Variants in BCO2 observed in about 807,000 individuals in gnomAD.
BCO2 encodes the protein carotenoid-cleaving dioxygenase, mitochondrial.
BCO2 carries 56 observed loss-of-function variants against 65.8 expected under a neutral mutation model. The observed-to-expected ratio is 0.85, with a 90% CI of 0.69 to 1.06. BCO2 has a LOEUF of 1.06. Ranked by LOEUF, BCO2 falls within the 50% of genes least tolerant of loss-of-function variation. The pLI is 0.00. For missense variants in BCO2, 675 were observed against 698.5 expected (o/e 0.97, Z 0.38); for synonymous variants, 233 against 242.3 (o/e 0.96, Z 0.36).
At chr11:112,204,603 TTTATGATGATCTACTACCACTTAATGA>T (rs1467934364) in intron 8 of BCO2, among the ~76,000 whole-genome samples, 5 of 152,226 alleles carry the variant, frequency 3.3e-5, no homozygotes, top group Non-Finnish European at 5.9e-5. Flanking sequence ...AATGAAGACC[TTTATGATGATCTACTACCACTTAATGA>T]ATAGTAAATA....
intron 5 of BCO2, among the ~76,000 whole-genome samples, chr11:112,194,967 A>G (rs1395205525): frequency 6.6e-6 from 1 of 152,108 alleles, no homozygotes; most frequent in Non-Finnish European, 1.5e-5. Context: ...ACATCCTTCT[A>G]AGTAAAATAT....
rs903197521 is a variant in BCO2 at position 112,214,113 on chromosome 11, A to G, written c.1332+252A>G. ...TGGTTGTGGAATGTCTATCCATTTG[A>G]GCTTGGCATTAGCAATCCCCACCTT... On this transcript the variant is annotated intron_variant, in intron 9 of 11. Transcript: ENST00000357685. 5.9e-5 allele frequency among the ~76,000 whole-genome samples: 9 copies of G among 152,120 alleles called. 1 individual carries two copies. The highest frequency in any genetic ancestry group is 5.9e-4 in the Admixed American group (9 of 15,270).
At chr11:112,186,994 C>T (rs1254311069) in intron 2 of BCO2, among the ~76,000 whole-genome samples, 1 of 152,106 alleles carries the variant, frequency 6.6e-6, no homozygotes, top group Non-Finnish European at 1.5e-5. Context: ...ATGATTGTCC[C>T]CCTCCATGCC....
chr11:112,188,427 G>A (rs1368730598), intron 2 of BCO2, among the ~76,000 whole-genome samples: 2 of 152,014 alleles, frequency 1.3e-5, no homozygotes, highest in African/African-American at 2.4e-5. Flanking sequence ...TTGTATTCCA[G>A]GATGCCGGTC....
At chr11:112,195,369 G>A (rs909633591) in intron 5 of BCO2, among the ~76,000 whole-genome samples, 3 of 152,164 alleles carry the variant, frequency 2.0e-5, no homozygotes, top group Non-Finnish European at 2.9e-5. Flanking sequence ...TCCTGACCTC[G>A]TGATCTGCCC....
At chr11:112,205,772 CTTT>C (rs1334541851) in intron 8 of BCO2, among the ~76,000 whole-genome samples, 1 of 151,656 alleles carries the variant, frequency 6.6e-6, no homozygotes, top group Non-Finnish European at 1.5e-5. Flanking sequence ...ATTTTTAAAA[CTTT>C]TTTGTAGAGA....
rs1867420575 is a variant in BCO2, at chr11:112,192,529, A to ATT, written c.294-944_294-943insTT. On this transcript the variant is annotated intron_variant, in intron 2 of 11. Coordinates refer to ENST00000357685, the MANE Select transcript of BCO2 (RefSeq NM_031938.7). The stretch of plus-strand genomic sequence containing the variant: ...TGTAATCATATGGACAAAAATGATT[A>ATT]TCTAGGAAGGACAGTTATCTTATTT... 2.0e-5 allele frequency among the ~76,000 whole-genome samples: 3 copies of ATT among 152,188 alleles called. No homozygotes were observed. In the South Asian group the frequency reaches 6.2e-4, roughly 31 times the overall value.
At position 112,193,490 on chromosome 11, in the gene BCO2, G is replaced by C; in HGVS notation, c.310G>C (p.Asp104His). 6.2e-7 allele frequency: 1 copy of C among 1,614,080 alleles called. No individual in the cohort carries two copies. The highest frequency in any genetic ancestry group is 8.5e-7 in the Non-Finnish European group (1 of 1,180,014). ...FGKDKYNHWF[D>H]GMALLHQFRM... ...TGTTTGAAGGTACAATCATTGGTTT[G>C]ATGGGATGGCGCTGCTTCACCAGTT... is the stretch of plus-strand genomic sequence containing the variant. Residue 104 changes from aspartate to histidine, a missense_variant, in exon 3 of 12, where the codon GAT becomes CAT. Asp to His is a moderately conservative substitution (Grantham distance 81, BLOSUM62 -1). Transcript: ENST00000357685.
rs558967740 is a variant in BCO2 at position 112,181,008 on chromosome 11, C to T, written c.293+1526C>T. On this transcript the variant is annotated intron_variant, in intron 2 of 11. Transcript: ENST00000357685. ...ATTGATCCTCAGACAGATTCTAAGC[C>T]TCCTGAAGGATTGTTAGGATTCCAC... is the stretch of plus-strand genomic sequence containing the variant. The T allele has an allele frequency of 5.6e-6, 8 of 1,416,908 alleles. No individual in the cohort carries two copies. The South Asian group carries it at 5.7e-5, about 10-fold the overall frequency. 87.8% of individuals were successfully genotyped at this position (1,416,908 alleles called of 1,614,324 possible).
At chr11:112,181,633 TG>T in intron 2 of BCO2, 1 of 800,664 alleles carries the variant, frequency 1.2e-6, no homozygotes, top group South Asian at 1.3e-5. Context: ...CACCTAAAAG[TG>T]GCAATAAAGA....
At chr11:112,192,943 T>TTTTTTTTTTTTTTTTG (rs1555195002) in intron 2 of BCO2, among the ~76,000 whole-genome samples, 2 of 129,484 alleles carry the variant, frequency 1.5e-5, no homozygotes, top group African/African-American at 5.9e-5. Flanking sequence ...TTTTTTTTTT[T>TTTTTTTTTTTTTTTTG]GACAGGGGTA....
At chr11:112,184,041 A>G (rs1373198664) in intron 2 of BCO2, among the ~76,000 whole-genome samples, 1 of 152,228 alleles carries the variant, frequency 6.6e-6, no homozygotes, top group Non-Finnish European at 1.5e-5. Context: ...CATCACAAGC[A>G]TAGGAAGATA....
chr11:112,199,740 G>A lies in BCO2; in HGVS notation c.778G>A (p.Asp260Asn). ...KVIRVPPEKVDLGETIHGVQV... is the reference protein window; with the variant it reads ...KVIRVPPEKVNLGETIHGVQV... ...TATTCGGGTTCCTCCAGAGAAGGTG[G>A]ACCTTGGGGAGACAATCCATGGAGT... Residue 260 changes from aspartate (D) to asparagine (N), a missense_variant, in exon 6 of 12, where the codon GAC becomes AAC. By Grantham distance (23) the Asp-to-Asn change is conservative (BLOSUM62 1). Coordinates refer to ENST00000357685, the MANE Select transcript of BCO2 (RefSeq NM_031938.7). 1.2e-6 allele frequency: 2 copies of A among 1,613,752 alleles called. No individual in the cohort carries two copies. The highest frequency in any genetic ancestry group is 2.2e-5 in the South Asian group (2 of 91,058).
chr11:112,178,440 A>G (rs1866942475), intron 1 of BCO2, among the ~76,000 whole-genome samples: 1 of 152,184 alleles, frequency 6.6e-6, no homozygotes, highest in African/African-American at 2.4e-5. Flanking sequence ...TCAGAGTAAT[A>G]GTGTCCCTAT....
intron 8 of BCO2, among the ~76,000 whole-genome samples, chr11:112,207,974 GAC>G (rs1859395284): frequency 7.6e-6 from 1 of 132,248 alleles, no homozygotes; most frequent in African/African-American, 2.8e-5. Context: ...TTTTTTTTGA[GAC>G]AGTGTGACGG....
At position 112,190,622 on chromosome 11, in the gene BCO2, C is replaced by T. The variant is rs371418827; in HGVS notation, c.294-2852C>T. 5.3e-5 allele frequency among the ~76,000 whole-genome samples: 8 copies of T among 151,934 alleles called. No individual in the cohort carries two copies. In the East Asian group the frequency reaches 9.7e-4, roughly 18 times the overall value. On this transcript the variant is annotated intron_variant, in intron 2 of 11. Transcript: ENST00000357685. ...CTGTAATCCCAGTACTTTGGGAGGCCGAGGTGGGTGGATCACAAGGTCAGG... is the reference window on the plus strand; with the variant it reads ...CTGTAATCCCAGTACTTTGGGAGGCTGAGGTGGGTGGATCACAAGGTCAGG...
intron 8 of BCO2, among the ~76,000 whole-genome samples, chr11:112,209,390 C>G (rs563484331): frequency 6.6e-6 from 1 of 152,292 alleles, no homozygotes; most frequent in East Asian, 1.9e-4. Flanking sequence ...TAGCAATATG[C>G]ATTTAAGGTT....
At chr11:112,181,729 T>C in intron 2 of BCO2, 2 of 921,234 alleles carry the variant, frequency 2.2e-6, no homozygotes, top group South Asian at 1.3e-5. Flanking sequence ...AAGTCAGAAC[T>C]GTGATGCCAG....
intron 2 of BCO2, among the ~76,000 whole-genome samples, chr11:112,188,337 T>G (rs1867267796): frequency 6.6e-6 from 1 of 152,240 alleles, no homozygotes; most frequent in African/African-American, 2.4e-5. Context: ...CTGGTGCTGC[T>G]TCAGTTTAGG....
Sources: allele counts gnomAD v4.1 joint callset (sites outside exome capture counted in the v4.1 genomes callset), GRCh38; gene constraint gnomAD v4.1.1; transcripts MANE v1.5; gene names NCBI Gene and HGNC (gene_info 2026-07-23, HGNC 2026-07-21).